ZZZ3: variants seen among roughly 807,000 people sequenced by gnomAD.
The protein encoded by ZZZ3 is zinc finger ZZ-type containing 3.
In ZZZ3, 22 loss-of-function variants were observed where a neutral mutation model predicts 95.2. The observed-to-expected ratio is 0.23, with a 90% CI of 0.17 to 0.33. The LOEUF is 0.33. Among genes scored for constraint, ZZZ3 ranks in the 10% least tolerant of loss-of-function variants. The pLI is 1.00. For synonymous variants in ZZZ3, 335 were observed against 358.9 expected (o/e 0.93, Z 0.75); for missense variants, 885 against 1,066.5 (o/e 0.83, Z 2.37).
chr1:77,624,619 A>C (rs879784938), intron 5 of ZZZ3, among the ~76,000 whole-genome samples: 6 of 152,138 alleles, frequency 3.9e-5, no homozygotes, highest in South Asian at 2.1e-4. Flanking sequence ...GTACATACAT[A>C]TCTCTTCATC....
chr1:77,606,205 T>C (rs1323728695), intron 5 of ZZZ3, among the ~76,000 whole-genome samples: 1 of 152,072 alleles, frequency 6.6e-6, no homozygotes, highest in Non-Finnish European at 1.5e-5. Flanking sequence ...AGCCTGACAG[T>C]ACTCCCCACG....
intron 12 of ZZZ3, among the ~76,000 whole-genome samples, chr1:77,573,464 C>T (rs901311581): frequency 6.6e-6 from 1 of 152,158 alleles, no homozygotes; most frequent in Admixed American, 6.5e-5. Context: ...TGTGATTACA[C>T]ATTTATCTCC....
chr1:77,662,924 G>C (rs1251206380), intron 1 of ZZZ3, among the ~76,000 whole-genome samples: 1 of 152,138 alleles, frequency 6.6e-6, no homozygotes, highest in Non-Finnish European at 1.5e-5. Flanking sequence ...GGATAATATA[G>C]TGACGCTCCG....
chr1:77,606,652 T>C (rs1665264371), intron 5 of ZZZ3, among the ~76,000 whole-genome samples: 1 of 152,160 alleles, frequency 6.6e-6, no homozygotes, highest in African/African-American at 2.4e-5. Flanking sequence ...AGAAACTCTA[T>C]TTGAGAGAAA....
intron 1 of ZZZ3, chr1:77,645,705 CTCACGCCT>C (rs1669198215): frequency 6.6e-6 from 1 of 152,064 alleles, no homozygotes. Context: ...GGCGCAGTGG[CTCACGCCT>C]GTAATGCAGC....
chr1:77,635,005 C>T (rs1051154461), intron 4 of ZZZ3, among the ~76,000 whole-genome samples: 1 of 152,248 alleles, frequency 6.6e-6, no homozygotes, highest in East Asian at 1.9e-4. Flanking sequence ...AACAGTCTCC[C>T]TTCTCATGTA....
At position 77,581,857 on chromosome 1, in the gene ZZZ3, A is replaced by C; in HGVS notation, c.1827T>G (p.Asp609Glu). Reference protein sequence around the residue: ...GLPARPKSPLDPKKDGESLSY... With the variant: ...GLPARPKSPLEPKKDGESLSY... ...AAAGGGACTCTCCATCCTTCTTAGG[A>C]TCTAAAGGACTTTTTGGTCTAGCAG... Residue 609 changes from aspartate to glutamate, a missense_variant, in exon 8 of 15, where the codon GAT (aspartate) becomes GAG (glutamate). Physicochemically the swap from Asp to Glu is conservative, Grantham distance 45. Around this residue, in one of 5 missense-constraint regions of ZZZ3, gnomAD observed 99 missense variants for 119.8 expected, o/e 0.83. Coordinates refer to ENST00000370801, the MANE Select transcript of ZZZ3 (RefSeq NM_015534.6). 6.2e-7 allele frequency: 1 copy of C among 1,614,082 alleles called. No individual in the cohort carries two copies. The highest frequency in any genetic ancestry group is 8.5e-7 in the Non-Finnish European group (1 of 1,179,958).
intron 1 of ZZZ3, among the ~76,000 whole-genome samples, chr1:77,666,135 A>G (rs1372190620): frequency 2.0e-5 from 3 of 152,272 alleles, no homozygotes; most frequent in East Asian, 3.8e-4. Context: ...AAACGTATAT[A>G]CGGAATGTAA....
At chr1:77,592,533 C>A (rs1461948196) in intron 5 of ZZZ3, among the ~76,000 whole-genome samples, 1 of 152,064 alleles carries the variant, frequency 6.6e-6, no homozygotes, top group Non-Finnish European at 1.5e-5. Flanking sequence ...AAATCCTGAC[C>A]TCAAGTGACC....
intron 3 of ZZZ3, among the ~76,000 whole-genome samples, chr1:77,640,379 T>C (rs1668666937): frequency 6.6e-6 from 1 of 151,922 alleles, no homozygotes; most frequent in South Asian, 2.1e-4. Context: ...GACAGGTGGA[T>C]CACAAGGTCA....
chr1:77,642,264 A>G (rs530857968), intron 1 of ZZZ3, among the ~76,000 whole-genome samples: 1 of 152,324 alleles, frequency 6.6e-6, no homozygotes, highest in South Asian at 2.1e-4. Flanking sequence ...ACTTACATTG[A>G]TGACCAAAAG....
At position 77,680,980 on chromosome 1, in the gene ZZZ3, C is replaced by T. The variant is rs1672699948; in HGVS notation, c.-403+1605G>A. ...GTGATATTTTCACAAGATTATACTA[C>T]CAAAAAAATCAGTACAAACAAAAAA... On this transcript the variant is annotated intron_variant, in intron 1 of 14. Transcript: ENST00000370801. Among the ~76,000 whole-genome samples the T allele has an allele frequency of 2.0e-5, 3 of 152,088 alleles. No individual in the cohort carries two copies. The South Asian group carries it at 6.2e-4, about 32-fold the overall frequency.
intron 1 of ZZZ3, among the ~76,000 whole-genome samples, chr1:77,670,537 G>C (rs768674436): frequency 6.6e-6 from 1 of 152,028 alleles, no homozygotes; most frequent in African/African-American, 2.4e-5. Context: ...GGGTTTACAG[G>C]CATGATGAGC....
At chr1:77,679,159 T>A (rs1037184358) in intron 1 of ZZZ3, among the ~76,000 whole-genome samples, 1 of 152,188 alleles carries the variant, frequency 6.6e-6, no homozygotes, top group Non-Finnish European at 1.5e-5. Context: ...AGTACAATTA[T>A]AGTGGTTATC....
intron 1 of ZZZ3, among the ~76,000 whole-genome samples, chr1:77,654,483 T>C (rs752759859): frequency 8.3e-4 from 127 of 152,124 alleles, no homozygotes; most frequent in Non-Finnish European, 1.5e-3. Context: ...AACAACTTTT[T>C]AACAAACCAA....
chr1:77,639,413 T>C (rs1306866709), intron 4 of ZZZ3, 36 bp downstream of exon 4: 4 of 1,460,222 alleles, frequency 2.7e-6, no homozygotes, highest in Non-Finnish European at 1.8e-6. Context: ...AGTCAAACTA[T>C]AGCTGTCTTC....
At chr1:77,572,841 T>C (rs1186014492) in intron 12 of ZZZ3, among the ~76,000 whole-genome samples, 2 of 151,568 alleles carry the variant, frequency 1.3e-5, no homozygotes, top group South Asian at 4.2e-4. Flanking sequence ...AGATGGGGTC[T>C]CACTATGTTG....
chr1:77,632,664 A>C lies in ZZZ3; in HGVS notation c.691T>G (p.Ser231Ala). The C allele has an allele frequency of 6.2e-7, 1 of 1,614,170 alleles. No individual in the cohort carries two copies. Among genetic ancestry groups the C allele is most frequent in the East Asian group, 2.2e-5 (1 of 44,882 alleles). ...ACTGATTTTTCCTGTAACACATAGG[A>C]ACCAATGCTATTTTGTTTAGTGTTC... is the stretch of plus-strand genomic sequence containing the variant. ...DGNTKQNSIG[S>A]YVLQEKSVAE... The change falls in exon 5 of 15, where the codon TCC (serine) becomes GCC (alanine). Residue 231 changes from serine (S) to alanine (A), a missense_variant. Physicochemically the swap from Ser to Ala is moderately conservative, Grantham distance 99. This residue lies in a region of ZZZ3 where 556 missense variants were observed against 652.9 expected (regional missense o/e 0.85). Transcript: ENST00000370801.
intron 5 of ZZZ3, among the ~76,000 whole-genome samples, chr1:77,595,228 TC>T (rs1482261591): frequency 6.6e-6 from 1 of 152,036 alleles, no homozygotes; most frequent in Non-Finnish European, 1.5e-5. Context: ...CTTATAAAAT[TC>T]TTAGTGAATT....
Sources: allele counts gnomAD v4.1 joint callset (sites outside exome capture counted in the v4.1 genomes callset), GRCh38; gene constraint gnomAD v4.1.1; regional missense constraint gnomAD v4.1.1; transcripts MANE v1.5; gene names NCBI Gene and HGNC (gene_info 2026-07-23, HGNC 2026-07-21).